The following LEMD1 variants were observed in gnomAD, a reference collection of about 807,000 sequenced individuals.
LEMD1 encodes the protein LEM domain-containing protein 1.
A neutral mutation model predicts 17.4 loss-of-function variants in LEMD1; 18 were observed. The ratio of observed to expected loss-of-function variants is 1.04; its 90% confidence interval spans 0.72 to 1.54. The LOEUF (loss-of-function observed/expected upper bound fraction) is 1.54, where lower values mean the gene tolerates loss of function less well. Ranked by LOEUF, LEMD1 falls within the 40% of genes most tolerant of loss-of-function variation. The pLI is 0.00. For synonymous variants in LEMD1, 88 were observed against 77.8 expected (o/e 1.13, Z -0.69); for missense variants, 195 against 210.4 (o/e 0.93, Z 0.45).
intron 1 of LEMD1, chr1:205,437,068 C>G (rs1006360279): frequency 2.6e-5 from 4 of 152,602 alleles, no homozygotes; most frequent in Admixed American, 2.6e-4. Flanking sequence ...CCAGCACATT[C>G]CACCACCAGC....
intron 4 of LEMD1, among the ~76,000 whole-genome samples, chr1:205,399,799 ATGAG>A (rs1193254231): frequency 3.9e-5 from 6 of 152,216 alleles, no homozygotes; most frequent in Non-Finnish European, 5.9e-5. Context: ...ACATGAATGA[ATGAG>A]TGAGTGAGTG....
intron 4 of LEMD1, among the ~76,000 whole-genome samples, chr1:205,414,766 T>C (rs1309859284): frequency 6.6e-6 from 1 of 152,054 alleles, no homozygotes; most frequent in Non-Finnish European, 1.5e-5. Flanking sequence ...AGTGTACCTG[T>C]AGTCCTAGCT....
intron 1 of LEMD1, among the ~76,000 whole-genome samples, chr1:205,440,053 C>G (rs530182234): frequency 5.9e-5 from 9 of 152,152 alleles, no homozygotes; most frequent in African/African-American, 2.2e-4. Context: ...TGAACGCAGT[C>G]CCCTCTATGG....
At chr1:205,440,107 A>G (rs1434219176) in intron 1 of LEMD1, among the ~76,000 whole-genome samples, 3 of 152,046 alleles carry the variant, frequency 2.0e-5, no homozygotes, top group Non-Finnish European at 4.4e-5. Flanking sequence ...AGGAGAATCA[A>G]GGGAGGGCAC....
At chr1:205,442,811 G>C (rs1666318643) in intron 1 of LEMD1, among the ~76,000 whole-genome samples, 1 of 152,174 alleles carries the variant, frequency 6.6e-6, no homozygotes, top group Non-Finnish European at 1.5e-5. Context: ...ATCCCCTGCA[G>C]CTATCTCTGG....
intron 4 of LEMD1, 33 bp downstream of exon 4, chr1:205,416,199 G>C: frequency 7.3e-7 from 1 of 1,368,616 alleles, no homozygotes. Context: ...TAATATATGG[G>C]TATAAGTATT....
chr1:205,445,112 G>A (rs975327305), intron 1 of LEMD1, among the ~76,000 whole-genome samples: 2 of 152,160 alleles, frequency 1.3e-5, no homozygotes, highest in Non-Finnish European at 2.9e-5. Flanking sequence ...GGATTAGCTC[G>A]GGCGGTGGAG....
intron 1 of LEMD1, among the ~76,000 whole-genome samples, chr1:205,431,710 T>TTTTC (rs137861711): frequency 0.027 from 4,051 of 151,938 alleles, 58 homozygotes; most frequent in Middle Eastern, 0.092. Context: ...ACGGAAGCTT[T>TTTTC]TTTCTTTCTT....
At chr1:205,428,653 G>C (rs1003452485) in intron 1 of LEMD1, among the ~76,000 whole-genome samples, 5 of 152,160 alleles carry the variant, frequency 3.3e-5, no homozygotes, top group African/African-American at 4.8e-5. Context: ...TAGTCAGGGA[G>C]GACCATGTGT....
In LEMD1 at chr1:205,384,294, C is replaced by A; in HGVS notation, c.341G>T (p.Gly114Val). The A allele has an allele frequency of 6.7e-7, 1 of 1,499,562 alleles. No individual in the cohort carries two copies. The highest frequency in any genetic ancestry group is 8.9e-7 in the Non-Finnish European group (1 of 1,122,924). 92.9% of individuals were successfully genotyped at this position (1,499,562 alleles called of 1,614,324 possible). The change falls in exon 5 of 6, where the codon GGA becomes GTA. Residue 114 changes from glycine to valine, a missense_variant. Physicochemically the swap from Gly to Val is moderately radical, Grantham distance 109. Coordinates refer to ENST00000367153, the MANE Select transcript of LEMD1 (RefSeq NM_001199050.2). ...TGCTAAAAAACATCATTACCTTCTT[C>A]CCTTGGAAGGCTTATAATCCAAGCA... is the stretch of plus-strand genomic sequence containing the variant. Reference protein sequence around the residue: ...TYCLDYKPSKGRRWAARAPST... With the variant: ...TYCLDYKPSKVRRWAARAPST...
intron 4 of LEMD1, among the ~76,000 whole-genome samples, chr1:205,412,611 G>A (rs1297138494): frequency 6.6e-6 from 1 of 152,190 alleles, no homozygotes; most frequent in Non-Finnish European, 1.5e-5. Context: ...TGTTAGACAA[G>A]TGTCTCAATA....
chr1:205,420,266 C>G (rs558624702), intron 2 of LEMD1, among the ~76,000 whole-genome samples, 189 bp downstream of exon 2: 1 of 152,302 alleles, frequency 6.6e-6, no homozygotes, highest in South Asian at 2.1e-4. Flanking sequence ...TGCAGTAAGA[C>G]AAACACCCAA....
intron 3 of LEMD1, among the ~76,000 whole-genome samples, chr1:205,416,551 C>T (rs1198868672): frequency 6.6e-6 from 1 of 152,178 alleles, no homozygotes; most frequent in Non-Finnish European, 1.5e-5. Context: ...CACAAGCTGG[C>T]TGCCCATCTG....
At chr1:205,426,952 G>A (rs376652753), upstream of LEMD1, among the ~76,000 whole-genome samples, 49 of 152,288 alleles carry the variant, frequency 3.2e-4, no homozygotes, top group African/African-American at 1.1e-3. Flanking sequence ...ATGAACAGTA[G>A]TGGAGGAGAT....
At chr1:205,436,784 A>C (rs1218517511) in intron 1 of LEMD1, 1 of 152,252 alleles carries the variant, frequency 6.6e-6, no homozygotes, top group African/African-American at 2.4e-5. Flanking sequence ...CAAGGAGCCC[A>C]CTGAACTCAG....
chr1:205,400,490 G>C (rs938724100), intron 4 of LEMD1, among the ~76,000 whole-genome samples: 3 of 152,150 alleles, frequency 2.0e-5, no homozygotes, highest in Non-Finnish European at 4.4e-5. Flanking sequence ...AATTCCTGCC[G>C]AGAACGCATG....
At chr1:205,413,395 TC>T (rs1301580121) in intron 4 of LEMD1, among the ~76,000 whole-genome samples, 1 of 151,894 alleles carries the variant, frequency 6.6e-6, no homozygotes, top group Non-Finnish European at 1.5e-5. Context: ...CTCAAGAGAT[TC>T]TCCTACCTCA....
upstream of LEMD1, among the ~76,000 whole-genome samples, chr1:205,425,276 C>T (rs1666040224): frequency 6.6e-6 from 1 of 152,120 alleles, no homozygotes; most frequent in Admixed American, 6.5e-5. Context: ...ATTAATTACA[C>T]CTTTTAGAGC....
intron 4 of LEMD1, among the ~76,000 whole-genome samples, chr1:205,407,673 T>C (rs1294075575): frequency 6.6e-6 from 1 of 152,210 alleles, no homozygotes; most frequent in Non-Finnish European, 1.5e-5. Flanking sequence ...TTCTGCAAGC[T>C]GTTCTAGCAA....
Sources: gnomAD v4.1 joint callset for allele counts (sites outside exome capture counted in the v4.1 genomes callset) on GRCh38, gnomAD v4.1.1 for gene constraint, MANE v1.5 for transcripts, NCBI Gene and HGNC (gene_info 2026-07-23, HGNC 2026-07-21) for gene names.